The following ALOX5 variants were observed in gnomAD, a reference collection of about 807,000 sequenced individuals.
The protein encoded by ALOX5 is arachidonate 5-lipoxygenase.
Under a neutral mutation model 87.9 loss-of-function variants are expected in ALOX5, and 64 were observed. The ratio of observed to expected loss-of-function variants is 0.73; its 90% CI spans 0.60 to 0.90. ALOX5 has a LOEUF of 0.90. Among genes scored for constraint, ALOX5 ranks in the 40% least tolerant of loss-of-function variants. The pLI, the probability that ALOX5 is intolerant of heterozygous loss-of-function variation, is 0.00. For synonymous variants in ALOX5, 388 were observed against 355.1 expected (o/e 1.09, Z -1.04); for missense variants, 822 against 907.5 (o/e 0.91, Z 1.21).
chr10:45,374,224 A>C lies in ALOX5; in HGVS notation c.-56A>C. On this transcript the variant is annotated 5_prime_UTR_variant, in exon 1 of 14. Transcript: ENST00000374391. ...GAGGAGGCTGCGGCGCTAGATGCGG[A>C]CACCTGGACCGCCGCGCCGAGGCTC... 2.1e-6 allele frequency: 3 copies of C among 1,410,962 alleles called. No individual in the cohort carries two copies. The highest frequency in any genetic ancestry group is 2.8e-6 in the Non-Finnish European group (3 of 1,083,980). The allele number at this position is 1,410,962 out of a possible 1,614,324, so 87.4% of individuals were successfully genotyped here. A position where few individuals can be genotyped will look rare whatever the true frequency, so the allele number is the denominator to read the frequency against.
chr10:45,389,451 A>G (rs1003983219), intron 2 of ALOX5, among the ~76,000 whole-genome samples: 1 of 152,210 alleles, frequency 6.6e-6, no homozygotes, highest in African/African-American at 2.4e-5. Context: ...GAGAAAGGTC[A>G]GGTTACCCAC....
rs780844592 is a variant in ALOX5 at position 45,443,091 on chromosome 10, G to A, written c.1326G>A (p.Lys442=). 37 of 1,613,684 alleles carry A rather than the reference G, an allele frequency of 2.3e-5. No individual in the cohort carries two copies. Among genetic ancestry groups the A allele is most frequent in the Middle Eastern group, 1.6e-4 (1 of 6,082 alleles). The change falls in exon 10 of 14, where the codon AAG becomes AAA. Residue 442 remains lysine, a synonymous_variant. Coordinates refer to ENST00000374391, the MANE Select transcript of ALOX5 (RefSeq NM_000698.5). ...GHVQMVQRAM[K]DLTYASLCFP... ...TGCAGATGGTGCAGAGGGCCATGAA[G>A]GACCTGACCTATGCCTCCCTGTGCT...
chr10:45,390,435 T>C (rs1840176066), intron 2 of ALOX5, among the ~76,000 whole-genome samples: 1 of 152,220 alleles, frequency 6.6e-6, no homozygotes, highest in Admixed American at 6.5e-5. Flanking sequence ...GACCACATAG[T>C]TGGAAGTAAA....
chr10:45,394,087 A>C (rs994079368), intron 2 of ALOX5, among the ~76,000 whole-genome samples: 2 of 152,272 alleles, frequency 1.3e-5, no homozygotes, highest in African/African-American at 4.8e-5. Flanking sequence ...CTTTCTTCTC[A>C]GAATTGGAAA....
At chr10:45,434,452 T>C (rs1842004532) in intron 7 of ALOX5, among the ~76,000 whole-genome samples, 1 of 152,200 alleles carries the variant, frequency 6.6e-6, no homozygotes, top group African/African-American at 2.4e-5. Context: ...ATTGAGTGAG[T>C]GAGCCCTTCC....
chr10:45,385,671 C>T (rs1339681136), intron 2 of ALOX5, among the ~76,000 whole-genome samples: 1 of 152,140 alleles, frequency 6.6e-6, no homozygotes, highest in African/African-American at 2.4e-5. Flanking sequence ...CAGAATTACC[C>T]CCATAGCCAA....
chr10:45,386,025 A>G (rs1839994820), intron 2 of ALOX5, among the ~76,000 whole-genome samples: 1 of 152,158 alleles, frequency 6.6e-6, no homozygotes, highest in Admixed American at 6.6e-5. Context: ...CAATGTAGAG[A>G]GACCCCATCT....
chr10:45,416,815 G>C (rs1841305696), intron 4 of ALOX5, among the ~76,000 whole-genome samples: 1 of 151,520 alleles, frequency 6.6e-6, no homozygotes, highest in Non-Finnish European at 1.5e-5. Flanking sequence ...TTCATGGATG[G>C]TGGATGGATG....
intron 8 of ALOX5, 33 bp from the exon 9 acceptor site, chr10:45,441,311 C>A: frequency 1.2e-6 from 2 of 1,600,406 alleles, no homozygotes; most frequent in Non-Finnish European, 1.7e-6. Flanking sequence ...CTGACTGGGC[C>A]CCCTCTGAGG....
At chr10:45,382,376 T>G (rs1035148412) in intron 1 of ALOX5, 107 bp from the exon 2 acceptor site, 1 of 1,155,590 alleles carries the variant, frequency 8.7e-7, no homozygotes, top group African/African-American at 1.5e-5. Context: ...TCATTCAACG[T>G]AGTCCCTGTG....
chr10:45,425,117 G>A lies in ALOX5; in HGVS notation c.819G>A (p.Leu273=). 6.2e-7 allele frequency: 1 copy of A among 1,613,774 alleles called. No individual in the cohort carries two copies. The highest frequency in any genetic ancestry group is 1.1e-5 in the South Asian group (1 of 91,066). ...GCAGCCTGGAGCGGCAGCTCAGCTT[G>A]GAGCAGGAGGTCCAGGTAGGGGTTG... ...VECSLERQLS[L]EQEVQQGNIF... is the part of the protein sequence containing the mutation. Residue 273 remains leucine, a synonymous_variant, in exon 6 of 14, where the codon TTG becomes TTA. Coordinates refer to ENST00000374391, the MANE Select transcript of ALOX5 (RefSeq NM_000698.5). This position sits in a 1 kb window ranked among gnomAD's most constrained non-coding sequence, Gnocchi z 4.4.
intron 2 of ALOX5, among the ~76,000 whole-genome samples, chr10:45,391,970 C>T (rs1367544591): frequency 6.6e-6 from 1 of 151,904 alleles, no homozygotes; most frequent in African/African-American, 2.4e-5. Flanking sequence ...CGGCAGCCAC[C>T]CTGTCCGGGA....
intron 4 of ALOX5, among the ~76,000 whole-genome samples, chr10:45,421,209 T>C (rs1221543430): frequency 6.6e-6 from 1 of 152,264 alleles, no homozygotes; most frequent in African/African-American, 2.4e-5. Flanking sequence ...CATGTAAATA[T>C]GTTCCTCCTA....
Position 45,382,512 on chromosome 10 carries a change from G to C in ALOX5, c.180G>C (p.Glu60Asp). 1 of 1,614,220 alleles carries C rather than the reference G, an allele frequency of 6.2e-7. No homozygotes were observed. Among genetic ancestry groups the C allele is most frequent in the Non-Finnish European group, 8.5e-7 (1 of 1,180,052 alleles). Residue 60 changes from glutamate to aspartate, a missense_variant, in exon 2 of 14, where the codon GAG becomes GAC. By Grantham distance (45) the Glu-to-Asp change is conservative. Coordinates refer to ENST00000374391, the MANE Select transcript of ALOX5 (RefSeq NM_000698.5). Reference sequence around the variant, plus strand: ...ATTCATACGACGTGACTGTGGACGAGGAACTGGGCGAGATCCAGCTGGTCA... The same window carrying C: ...ATTCATACGACGTGACTGTGGACGACGAACTGGGCGAGATCCAGCTGGTCA... Reference protein sequence around the residue: ...AVDSYDVTVDEELGEIQLVRI... With the variant: ...AVDSYDVTVDDELGEIQLVRI...
chr10:45,391,821 GCCGCC>G (rs1840278684), intron 2 of ALOX5, among the ~76,000 whole-genome samples: 2 of 150,374 alleles, frequency 1.3e-5, no homozygotes, highest in Admixed American at 6.6e-5. Context: ...CCGCCCGGCA[GCCGCC>G]CCATCTGAGA....
chr10:45,443,671 G>A, intron 11 of ALOX5, 57 bp from the exon 12 acceptor site: 2 of 1,589,004 alleles, frequency 1.3e-6, no homozygotes, highest in Admixed American at 1.8e-5. Flanking sequence ...CGGGGTGGGC[G>A]CCGGGCCCTG....
chr10:45,426,561 T>C (rs1246219814), intron 6 of ALOX5, among the ~76,000 whole-genome samples: 2 of 152,272 alleles, frequency 1.3e-5, no homozygotes, highest in African/African-American at 2.4e-5. Context: ...GGATCATGAA[T>C]AGAGAAATTG....
chr10:45,411,340 C>T (rs1468352499), intron 3 of ALOX5, among the ~76,000 whole-genome samples: 1 of 152,200 alleles, frequency 6.6e-6, no homozygotes, highest in Non-Finnish European at 1.5e-5. Flanking sequence ...AATGCCTAAC[C>T]TCCTGGGAAT....
At chr10:45,404,296 A>G (rs543486383) in intron 3 of ALOX5, among the ~76,000 whole-genome samples, 1 of 152,346 alleles carries the variant, frequency 6.6e-6, no homozygotes, top group South Asian at 2.1e-4. Flanking sequence ...TCAGGCTTCC[A>G]GATCAGAGTT....
Sources: gnomAD v4.1 joint callset for allele counts (sites outside exome capture counted in the v4.1 genomes callset) on GRCh38, gnomAD v4.1.1 for gene constraint, Gnocchi (gnomAD v3.1) non-coding constraint, MANE v1.5 for transcripts, NCBI Gene and HGNC (gene_info 2026-07-23, HGNC 2026-07-21) for gene names.